Variants in POMGNT1 observed in about 807,000 individuals in gnomAD.
POMGNT1 encodes protein O-linked-mannose beta-1,2-N-acetylglucosaminyltransferase 1.
POMGNT1 carries 67 observed loss-of-function variants against 95.6 expected under a neutral mutation model. The ratio of observed to expected loss-of-function variants is 0.70; its 90% CI spans 0.58 to 0.86. The LOEUF (loss-of-function observed/expected upper bound fraction) is 0.86. POMGNT1 is among the 40% of genes least tolerant of loss of function. The pLI is 0.00. For synonymous variants in POMGNT1, 298 were observed against 317.9 expected (o/e 0.94, Z 0.66); for missense variants, 719 against 855.2 (o/e 0.84, Z 1.99).
chr1:46,197,076 G>GGC lies in POMGNT1; in HGVS notation c.127_128dup (p.Val44ProfsTer7). On this transcript the variant is annotated frameshift_variant, in exon 3 of 22. Coordinates refer to ENST00000371984, the MANE Select transcript of POMGNT1 (RefSeq NM_017739.4). LOFTEE classifies it high-confidence loss of function. Reference sequence around the variant, plus strand: ...TGACAGTCACCAGCAGGAAAAGCACGGCCCCTGTCTGAGGGGAGGGGTAGG... The same window carrying GGC: ...TGACAGTCACCAGCAGGAAAAGCACGGCGCCCCTGTCTGAGGGGAGGGGTAGG... 1 of 1,614,142 alleles carries GGC rather than the reference G, an allele frequency of 6.2e-7. No homozygotes were observed. Among genetic ancestry groups the GGC allele is most frequent in the African/African-American group, 1.3e-5 (1 of 75,038 alleles).
chr1:46,220,050 G>A (rs201022501), exon 1 of POMGNT1: 1 of 1,614,264 alleles, frequency 6.2e-7, no homozygotes, highest in East Asian at 2.2e-5. Flanking sequence ...GGCCAGGACT[G>A]AGGTGGATGT....
At chr1:46,197,425 G>A in intron 2 of POMGNT1, 3 of 1,490,184 alleles carry the variant, frequency 2.0e-6, no homozygotes, top group Admixed American at 2.0e-5. Context: ...CTGGGTCCTG[G>A]CCCTAACTGC....
chr1:46,200,513 G>C (rs895555522), upstream of POMGNT1, among the ~76,000 whole-genome samples: 1 of 152,246 alleles, frequency 6.6e-6, no homozygotes, highest in Non-Finnish European at 1.5e-5. Flanking sequence ...CCAGTGACCA[G>C]TCCAGGTATG....
chr1:46,219,657 A>T, intron 1 of POMGNT1: 1 of 1,521,828 alleles, frequency 6.6e-7, no homozygotes, highest in Non-Finnish European at 8.8e-7. Context: ...GGGGAAACCC[A>T]TGCCCCAGAA....
chr1:46,203,205 C>A (rs2148233301), upstream of POMGNT1: 1 of 373,618 alleles, frequency 2.7e-6, no homozygotes, highest in East Asian at 4.1e-5. Context: ...AATCGCCCAG[C>A]CCCACGCAAT....
chr1:46,212,747 T>G (rs1328430997), intron 1 of POMGNT1, among the ~76,000 whole-genome samples: 1 of 151,582 alleles, frequency 6.6e-6, no homozygotes, highest in Non-Finnish European at 1.5e-5. Context: ...TGGCTAATTT[T>G]TTATTTTATT....
At chr1:46,212,453 T>G (rs1389964698) in intron 1 of POMGNT1, among the ~76,000 whole-genome samples, 1 of 151,816 alleles carries the variant, frequency 6.6e-6, no homozygotes, top group Non-Finnish European at 1.5e-5. Context: ...GCGAATTTTT[T>G]TGTATTTTTA....
chr1:46,193,078 G>GCTCTTT, intron 13 of POMGNT1, 96 bp downstream of exon 13: 2 of 1,602,662 alleles, frequency 1.2e-6, no homozygotes, highest in South Asian at 2.2e-5. Flanking sequence ...GAAGGATGAG[G>GCTCTTT]CCCAGTGAGG....
rs766263961 is a variant in POMGNT1, at chr1:46,194,572, C to T, written c.732G>A (p.Val244=). ...WGDPVLLKTD[V]PLSSAEEAEC... is the part of the protein sequence containing the mutation. ...CTCCACCTTCTGCTGAGCTCAATGG[C>T]ACATCTGTCTTCAGCAGGACTGGGT... is the stretch of plus-strand genomic sequence containing the variant. The change falls in exon 8 of 22, where the codon GTG becomes GTA. Residue 244 remains valine, a synonymous_variant. Transcript: ENST00000371984. 2 of 1,614,214 alleles carry T rather than the reference C, an allele frequency of 1.2e-6. No individual in the cohort carries two copies. The highest frequency in any genetic ancestry group is 4.5e-5 in the East Asian group (2 of 44,878).
At chr1:46,194,144 G>C (rs904168152) in intron 9 of POMGNT1, 130 bp downstream of exon 9, 1 of 1,567,228 alleles carries the variant, frequency 6.4e-7, no homozygotes, top group Non-Finnish European at 8.7e-7. Flanking sequence ...GTCTTTCAGA[G>C]CGCAGTGTAA....
At chr1:46,204,111 A>C (rs1170434139) in intron 1 of POMGNT1, among the ~76,000 whole-genome samples, 1 of 152,106 alleles carries the variant, frequency 6.6e-6, no homozygotes, top group African/African-American at 2.4e-5. Context: ...AACTACCTGG[A>C]CCAGGGGCAC....
chr1:46,201,064 G>C (rs528188178), upstream of POMGNT1, among the ~76,000 whole-genome samples: 222 of 152,212 alleles, frequency 1.5e-3, no homozygotes, highest in African/African-American at 5.2e-3. Context: ...CTGGGAGGCA[G>C]AAGTTGCAAT....
chr1:46,218,259 G>A (rs960614803), intron 1 of POMGNT1, among the ~76,000 whole-genome samples: 2 of 152,270 alleles, frequency 1.3e-5, no homozygotes, highest in African/African-American at 2.4e-5. Context: ...TGTGGTGCAC[G>A]CCTGTGGTCT....
At chr1:46,206,700 G>A (rs866638036) in intron 1 of POMGNT1, among the ~76,000 whole-genome samples, 1 of 152,196 alleles carries the variant, frequency 6.6e-6, no homozygotes, top group Non-Finnish European at 1.5e-5. Context: ...TCTGCTCTCA[G>A]ATTTATTTCC....
intron 10 of POMGNT1, 41 bp from the exon 11 acceptor site, chr1:46,193,680 C>T (rs369163887): frequency 2.5e-6 from 4 of 1,613,222 alleles, no homozygotes; most frequent in East Asian, 2.2e-5. Flanking sequence ...TTCATCACCC[C>T]TCAACTCAGG....
At chr1:46,202,920 GGTGTGT>G (rs10689850), upstream of POMGNT1, among the ~76,000 whole-genome samples, 7 of 64,514 alleles carry the variant, frequency 1.1e-4, no homozygotes, top group Non-Finnish European at 2.0e-4. Context: ...GGGGGGGGGT[GGTGTGT>G]GTGTGTGTGT....
At chr1:46,199,220 G>A (rs551587869), upstream of POMGNT1, among the ~76,000 whole-genome samples, 31 of 152,318 alleles carry the variant, frequency 2.0e-4, no homozygotes, top group South Asian at 6.2e-3. Context: ...GGGATTATGG[G>A]CAGTGAGCCA....
chr1:46,203,468 TGTGGAGG>T, intron 1 of POMGNT1: 1 of 1,507,084 alleles, frequency 6.6e-7, no homozygotes, highest in Non-Finnish European at 8.9e-7. Context: ...ACCTGCGGGA[TGTGGAGG>T]GTAAGGTGGG....
At chr1:46,202,342 C>T (rs1317386365), upstream of POMGNT1, among the ~76,000 whole-genome samples, 1 of 151,828 alleles carries the variant, frequency 6.6e-6, no homozygotes, top group East Asian at 1.9e-4. Flanking sequence ...AAGTGTGGTC[C>T]CTTATTACTT....
Sources: allele counts gnomAD v4.1 joint callset (sites outside exome capture counted in the v4.1 genomes callset), GRCh38; gene constraint gnomAD v4.1.1; transcripts MANE v1.5; gene names NCBI Gene and HGNC (gene_info 2026-07-23, HGNC 2026-07-21).